DCLK2: variants seen among roughly 807,000 people sequenced by gnomAD.
The protein encoded by DCLK2 is doublecortin like kinase 2, also known as serine/threonine-protein kinase DCLK2.
In DCLK2, 31 loss-of-function variants were observed where a neutral mutation model predicts 78.4. The ratio of observed to expected loss-of-function variants is 0.40; its 90% CI spans 0.30 to 0.53. DCLK2 has a LOEUF of 0.53. Ranked by LOEUF, DCLK2 falls within the 20% of genes least tolerant of loss-of-function variation. The pLI, the probability that DCLK2 is intolerant of heterozygous loss-of-function variation, is 0.61. For synonymous variants in DCLK2, 407 were observed against 374.9 expected (o/e 1.09, Z -0.99); for missense variants, 872 against 973.7 (o/e 0.90, Z 1.39).
At chr4:150,104,876 A>G (rs900578986) in intron 2 of DCLK2, among the ~76,000 whole-genome samples, 1 of 152,180 alleles carries the variant, frequency 6.6e-6, no homozygotes, top group African/African-American at 2.4e-5. Context: ...ATGCCTGATG[A>G]TGGCGCCAGT....
intron 1 of DCLK2, among the ~76,000 whole-genome samples, chr4:150,082,321 A>G (rs994008056): frequency 1.3e-5 from 2 of 152,204 alleles, no homozygotes; most frequent in East Asian, 3.9e-4. Context: ...TTTAAGAGGT[A>G]TGTTTTTTTC....
intron 8 of DCLK2, among the ~76,000 whole-genome samples, chr4:150,225,555 A>G (rs1034172988): frequency 6.6e-6 from 1 of 152,240 alleles, no homozygotes; most frequent in Non-Finnish European, 1.5e-5. Flanking sequence ...GTACAGCTAC[A>G]AAGCACTTGA....
At chr4:150,175,171 T>TATTTATA (rs1736957922) in intron 2 of DCLK2, among the ~76,000 whole-genome samples, 2 of 133,244 alleles carry the variant, frequency 1.5e-5, no homozygotes, top group East Asian at 2.0e-4. Flanking sequence ...AATTTATATA[T>TATTTATA]ATTTATATAT....
In DCLK2 at chr4:150,102,774, G is replaced by A. The variant is rs769938020; in HGVS notation, c.718G>A (p.Gly240Arg). 1.7e-5 allele frequency: 28 copies of A among 1,613,446 alleles called. No individual in the cohort carries two copies. The highest frequency in any genetic ancestry group is 2.2e-5 in the Non-Finnish European group (26 of 1,179,884). The change falls in exon 2 of 16, where the codon GGA becomes AGA. Residue 240 changes from glycine to arginine, a missense_variant. Gly to Arg is a moderately radical substitution (Grantham distance 125). Around this residue, in one of 3 missense-constraint regions of DCLK2, gnomAD observed 567 missense variants for 593.4 expected, o/e 0.96. Coordinates refer to ENST00000296550, the MANE Select transcript of DCLK2 (RefSeq NM_001040260.4). ...DITEAIKLDS[G>R]VVKRLCTLDG... Reference sequence around the variant, plus strand: ...CACCGAAGCCATTAAACTAGACTCAGGAGTCGTCAAGAGGCTCTGCACCCT... The same window carrying A: ...CACCGAAGCCATTAAACTAGACTCAAGAGTCGTCAAGAGGCTCTGCACCCT...
At chr4:150,247,764 C>T (rs1414313172) in intron 13 of DCLK2, 65 bp downstream of exon 13, 8 of 1,311,028 alleles carry the variant, frequency 6.1e-6, no homozygotes, top group African/African-American at 1.5e-5. Context: ...TTGCACAGGG[C>T]TGTAGCTGCG....
intron 5 of DCLK2, among the ~76,000 whole-genome samples, chr4:150,213,696 C>T (rs570991132): frequency 1.6e-4 from 25 of 152,044 alleles, no homozygotes; most frequent in Non-Finnish European, 3.1e-4. Context: ...GTGAATTTAT[C>T]AATTTGTGTA....
intron 5 of DCLK2, among the ~76,000 whole-genome samples, chr4:150,218,326 A>G (rs1468462809): frequency 6.6e-6 from 1 of 152,176 alleles, no homozygotes; most frequent in African/African-American, 2.4e-5. Flanking sequence ...ACATTGGGAA[A>G]ATTACAATGG....
At position 150,195,978 on chromosome 4, in the gene DCLK2, A is replaced by G. The variant is rs566465551; in HGVS notation, c.860-2024A>G. 6.6e-5 allele frequency among the ~76,000 whole-genome samples: 10 copies of G among 152,248 alleles called. No individual in the cohort carries two copies. The South Asian group carries it at 1.9e-3, about 28-fold the overall frequency. On this transcript the variant is annotated intron_variant, in intron 3 of 15. Coordinates refer to ENST00000296550, the MANE Select transcript of DCLK2 (RefSeq NM_001040260.4). ...TTAATAATAATATTACACCAACACC[A>G]TTATGTGGTAAAATTTTACAATGAT...
intron 3 of DCLK2, among the ~76,000 whole-genome samples, chr4:150,194,469 G>A (rs147436603): frequency 6.6e-6 from 1 of 152,186 alleles, no homozygotes; most frequent in African/African-American, 2.4e-5. Context: ...ATCCCCTTTT[G>A]CTAACTTTTG....
At position 150,249,650 on chromosome 4, in the gene DCLK2, A is replaced by T. The variant is rs1489437156; in HGVS notation, c.2039A>T (p.Gln680Leu). 6.2e-7 allele frequency: 1 copy of T among 1,613,762 alleles called. No individual in the cohort carries two copies. Among genetic ancestry groups the T allele is most frequent in the Non-Finnish European group, 8.5e-7 (1 of 1,179,966 alleles). Residue 680 changes from glutamine to leucine, a missense_variant, in exon 15 of 16, where the codon CAG (glutamine) becomes CTG (leucine). Coordinates refer to ENST00000296550, the MANE Select transcript of DCLK2 (RefSeq NM_001040260.4). ...KQHFNNALPKQNSTTTGVSVI... is the reference protein window; with the variant it reads ...KQHFNNALPKLNSTTTGVSVI... Reference sequence around the variant, plus strand: ...CACTTTAATAATGCGCTCCCCAAACAGAACAGCACTACCACCGGGGTCTCC... The same window carrying T: ...CACTTTAATAATGCGCTCCCCAAACTGAACAGCACTACCACCGGGGTCTCC...
chr4:150,192,930 C>T (rs1353975101), intron 2 of DCLK2, among the ~76,000 whole-genome samples: 1 of 152,190 alleles, frequency 6.6e-6, no homozygotes, highest in East Asian at 1.9e-4. Flanking sequence ...TGATGCATGT[C>T]ATGAATCCTT....
intron 10 of DCLK2, among the ~76,000 whole-genome samples, chr4:150,239,474 T>A (rs1742744933): frequency 1.3e-5 from 2 of 152,082 alleles, no homozygotes; most frequent in Non-Finnish European, 2.9e-5. Flanking sequence ...GGCATGTACC[T>A]GTAGTTCCAG....
At position 150,129,148 on chromosome 4, in the gene DCLK2, A is replaced by C. The variant is rs544010493; in HGVS notation, c.756+26336A>C. Among the ~76,000 whole-genome samples the C allele has an allele frequency of 2.0e-3, 301 of 152,326 alleles. 1 individual carries two copies. Among genetic ancestry groups the C allele is most frequent in the Admixed American group, 5.2e-3 (80 of 15,302 alleles). ...AAAAGTACTGCAGTATTTTACCCTCAACAAGATATTTTATTTATGAATGAC... is the reference window on the plus strand; with the variant it reads ...AAAAGTACTGCAGTATTTTACCCTCCACAAGATATTTTATTTATGAATGAC... On this transcript the variant is annotated intron_variant, in intron 2 of 15. Coordinates refer to ENST00000296550, the MANE Select transcript of DCLK2 (RefSeq NM_001040260.4).
chr4:150,229,396 A>G (rs1194351797), intron 8 of DCLK2, among the ~76,000 whole-genome samples: 2 of 152,158 alleles, frequency 1.3e-5, no homozygotes, highest in East Asian at 1.9e-4. Flanking sequence ...AACAGAGAGA[A>G]CTGAATGGAT....
intron 2 of DCLK2, among the ~76,000 whole-genome samples, chr4:150,121,727 A>G (rs936977459): frequency 6.6e-6 from 1 of 152,210 alleles, no homozygotes; most frequent in African/African-American, 2.4e-5. Flanking sequence ...CATCAGAAGA[A>G]TCGCTACGGC....
intron 5 of DCLK2, among the ~76,000 whole-genome samples, chr4:150,206,704 T>G (rs1004594003): frequency 9.9e-5 from 15 of 152,214 alleles, no homozygotes; most frequent in African/African-American, 3.6e-4. Flanking sequence ...ACACTGAATT[T>G]TACATTAAAC....
chr4:150,111,208 T>A (rs1274306194), intron 2 of DCLK2, among the ~76,000 whole-genome samples: 1 of 152,198 alleles, frequency 6.6e-6, no homozygotes, highest in Admixed American at 6.5e-5. Flanking sequence ...TATGTCATTG[T>A]GGTTTTAATT....
intron 8 of DCLK2, among the ~76,000 whole-genome samples, chr4:150,225,324 T>A (rs1560887392): frequency 6.6e-6 from 1 of 152,248 alleles, no homozygotes; most frequent in Non-Finnish European, 1.5e-5. Context: ...ATCTCCTCAA[T>A]AAGATAAACT....
rs560336687 is a variant in DCLK2 at position 150,079,522 on chromosome 4, G to T, written c.421+74G>T. ...TGCAGTGGGCGTGAGCCGGCGCAGC[G>T]GGGAGCCCGCGGGGTGCTTTCCAAG... On this transcript the variant is annotated intron_variant, in intron 1 of 15. Transcript: ENST00000296550. 7 of 1,391,492 alleles carry T rather than the reference G, an allele frequency of 5.0e-6. No homozygotes were observed. In the East Asian group the frequency reaches 1.3e-4, roughly 26 times the overall value. 86.2% of individuals were successfully genotyped at this position (1,391,492 alleles called of 1,614,324 possible). A position where few individuals can be genotyped will look rare whatever the true frequency, so the allele number is the denominator to read the frequency against.
Sources: allele counts gnomAD v4.1 joint callset (sites outside exome capture counted in the v4.1 genomes callset), GRCh38; gene constraint gnomAD v4.1.1; regional missense constraint gnomAD v4.1.1; transcripts MANE v1.5; gene names NCBI Gene and HGNC (gene_info 2026-07-23, HGNC 2026-07-21).